Variants in MACROD2 observed in about 807,000 individuals in gnomAD.
MACROD2 encodes the protein ADP-ribose glycohydrolase MACROD2.
Under a neutral mutation model 70.4 loss-of-function variants are expected in MACROD2, and 36 were observed. The ratio of observed to expected loss-of-function variants is 0.51; its 90% CI spans 0.39 to 0.68. The LOEUF (loss-of-function observed/expected upper bound fraction) is 0.68. Ranked by LOEUF, MACROD2 falls within the 30% of genes least tolerant of loss-of-function variation. The probability of loss-of-function intolerance (pLI) is 0.00; values close to 1 mark genes in which losing one functional copy is unlikely to be tolerated. For synonymous variants in MACROD2, 172 were observed against 178.8 expected (o/e 0.96, Z 0.30); for missense variants, 496 against 538.4 (o/e 0.92, Z 0.78).
chr20:15,933,763 T>TA (rs1447217648), intron 11 of MACROD2, among the ~76,000 whole-genome samples: 1 of 152,162 alleles, frequency 6.6e-6, no homozygotes, highest in Non-Finnish European at 1.5e-5. Context: ...TGTATTGCAT[T>TA]AAATTTTGAA....
At chr20:15,876,264 T>G (rs966550791) in intron 9 of MACROD2, among the ~76,000 whole-genome samples, 1 of 151,868 alleles carries the variant, frequency 6.6e-6, no homozygotes, top group Non-Finnish European at 1.5e-5. Context: ...TCCTTCCCCC[T>G]GCCTCCCACC....
chr20:15,535,842 A>G (rs1600551515), intron 8 of MACROD2, among the ~76,000 whole-genome samples: 2 of 152,244 alleles, frequency 1.3e-5, no homozygotes, highest in African/African-American at 4.8e-5. Context: ...CCAGAAAAAT[A>G]GGAAATCATC....
chr20:15,019,627 C>A lies in MACROD2; in HGVS notation c.419-210313C>A, dbSNP rs576488879. Among the ~76,000 whole-genome samples, 24 of 152,134 alleles carry A rather than the reference C, an allele frequency of 1.6e-4. 1 individual carries two copies. In the South Asian group the frequency reaches 4.8e-3, roughly 30 times the overall value. On this transcript the variant is annotated intron_variant, in intron 5 of 17. Coordinates refer to ENST00000684519, the MANE Select transcript of MACROD2 (RefSeq NM_001351661.2). ...TTAAACCTTTTCGTTACTTCATAGT[C>A]CAGATCATACTAACTGTGTCTTCTA...
chr20:14,953,171 G>C (rs2074489117), intron 5 of MACROD2, among the ~76,000 whole-genome samples: 1 of 152,040 alleles, frequency 6.6e-6, no homozygotes, highest in African/African-American at 2.4e-5. Context: ...CTGAACCTCT[G>C]AGTCAAAAAT....
At chr20:15,679,492 T>C (rs1442205958) in intron 8 of MACROD2, among the ~76,000 whole-genome samples, 1 of 152,208 alleles carries the variant, frequency 6.6e-6, no homozygotes, top group African/African-American at 2.4e-5. Context: ...TATGCAGTTT[T>C]ATCCCCTTGG....
chr20:15,065,498 A>G (rs1308968477), intron 5 of MACROD2, among the ~76,000 whole-genome samples: 2 of 152,030 alleles, frequency 1.3e-5, no homozygotes, highest in African/African-American at 4.8e-5. Context: ...TACTAAAAAT[A>G]CAAAAAATTA....
At chr20:14,553,871 T>C (rs1978839743) in intron 4 of MACROD2, among the ~76,000 whole-genome samples, 1 of 152,198 alleles carries the variant, frequency 6.6e-6, no homozygotes, top group Non-Finnish European at 1.5e-5. Context: ...TTTCCTTCCA[T>C]GGTCTAAGAC....
intron 5 of MACROD2, among the ~76,000 whole-genome samples, chr20:14,835,250 G>A (rs75902800): frequency 0.018 from 2,668 of 152,122 alleles, 71 homozygotes; most frequent in African/African-American, 0.06. Flanking sequence ...AGGAATCAGA[G>A]GATGAAGGAA....
intron 5 of MACROD2, among the ~76,000 whole-genome samples, chr20:15,160,198 C>T (rs145009067): frequency 1.3e-5 from 2 of 152,018 alleles, no homozygotes; most frequent in Admixed American, 6.6e-5. Flanking sequence ...TAAGGAGGCT[C>T]TTACAATTAT....
chr20:15,698,869 G>A (rs1751575182), intron 8 of MACROD2, among the ~76,000 whole-genome samples: 1 of 152,058 alleles, frequency 6.6e-6, no homozygotes, highest in African/African-American at 2.4e-5. Context: ...CAATTCTATT[G>A]CTGAGACTTT....
chr20:15,487,627 C>T (rs937963917), intron 7 of MACROD2, among the ~76,000 whole-genome samples: 4 of 152,126 alleles, frequency 2.6e-5, no homozygotes, highest in African/African-American at 9.7e-5. Context: ...CACGTGCTAC[C>T]AGCGGATGAA....
At chr20:14,769,115 G>T (rs2072131251) in intron 5 of MACROD2, among the ~76,000 whole-genome samples, 1 of 152,020 alleles carries the variant, frequency 6.6e-6, no homozygotes. Flanking sequence ...CTTACAAAAA[G>T]AGATATGTTT....
chr20:15,517,166 C>G (rs762667490), intron 8 of MACROD2, among the ~76,000 whole-genome samples: 1 of 152,076 alleles, frequency 6.6e-6, no homozygotes, highest in Non-Finnish European at 1.5e-5. Flanking sequence ...TCCCGGTGGC[C>G]ACCACATACC....
chr20:14,558,403 A>G lies in MACROD2; in HGVS notation c.301+64895A>G, dbSNP rs553640958. On this transcript the variant is annotated intron_variant, in intron 4 of 17. Transcript: ENST00000684519. ...AACTAATTAAAAGACAGATTTTGAC[A>G]TAATAGATAAAAAACATGACCCAAC... Among the ~76,000 whole-genome samples the G allele has an allele frequency of 1.7e-4, 26 of 151,958 alleles. No homozygotes were observed. The Middle Eastern group carries it at 0.01, about 60-fold the overall frequency.
intron 6 of MACROD2, among the ~76,000 whole-genome samples, chr20:15,415,828 A>G (rs2046140383): frequency 6.6e-6 from 1 of 152,176 alleles, no homozygotes; most frequent in African/African-American, 2.4e-5. Flanking sequence ...AAGAATGACA[A>G]TCTAGTGTAT....
chr20:15,304,036 C>G (rs2146132780), intron 6 of MACROD2, among the ~76,000 whole-genome samples: 1 of 152,228 alleles, frequency 6.6e-6, no homozygotes, highest in East Asian at 1.9e-4. Context: ...TCTTCTTGGC[C>G]TTTCCTCACC....
chr20:15,819,218 A>AATATATATATTTATATATACAAAC, intron 8 of MACROD2, among the ~76,000 whole-genome samples: 1 of 145,436 alleles, frequency 6.9e-6, no homozygotes, highest in African/African-American at 2.5e-5. Flanking sequence ...TATATATAAA[A>AATATATATATTTATATATACAAAC]ATATATATAT....
At chr20:15,918,915 A>G (rs2065360126) in intron 10 of MACROD2, among the ~76,000 whole-genome samples, 1 of 152,182 alleles carries the variant, frequency 6.6e-6, no homozygotes, top group African/African-American at 2.4e-5. Context: ...TGCATGTTAA[A>G]TAACTGACCC....
chr20:14,290,130 C>G (rs377587425), intron 3 of MACROD2, among the ~76,000 whole-genome samples: 27 of 152,192 alleles, frequency 1.8e-4, no homozygotes, highest in African/African-American at 6.5e-4. Context: ...CAGCTGTTTT[C>G]TAGTGCTGTA....
Sources: allele counts gnomAD v4.1 joint callset (sites outside exome capture counted in the v4.1 genomes callset), GRCh38; gene constraint gnomAD v4.1.1; transcripts MANE v1.5; gene names NCBI Gene and HGNC (gene_info 2026-07-23, HGNC 2026-07-21).